The following CLCN5 variants were observed in gnomAD, a reference collection of about 807,000 sequenced individuals.
The protein encoded by CLCN5 is Cl-/H+ antiporter 5.
Under a neutral mutation model 54.0 loss-of-function variants are expected in CLCN5, and 17 were observed. The ratio of observed to expected loss-of-function variants is 0.31; its 90% confidence interval spans 0.22 to 0.47. The LOEUF is 0.47. Ranked by LOEUF, CLCN5 falls within the 20% of genes least tolerant of loss-of-function variation. CLCN5 has a pLI of 1.00. For synonymous variants in CLCN5, 222 were observed against 233.0 expected, an observed-to-expected ratio of 0.95 and a Z score of 0.43; for missense variants, 448 against 646.7, an observed-to-expected ratio of 0.69 and a Z score of 3.33.
intron 6 of CLCN5, among the ~76,000 whole-genome samples, chrX:50,075,192 G>A (rs944118171): frequency 9.0e-6 from 1 of 111,096 alleles, no homozygotes; most frequent in Non-Finnish European, 1.9e-5. Context: ...GATAGATTCA[G>A]CTCCTTTAGC....
At position 50,090,186 on chromosome X, in the gene CLCN5, C is replaced by T. The variant is rs150674219; in HGVS notation, c.1815C>T (p.Ile605=). 9.5e-5 allele frequency: 115 copies of T among 1,209,175 alleles called. No individual in the cohort carries two copies. The highest frequency in any genetic ancestry group is 1.3e-4 in the Non-Finnish European group (113 of 894,535). Residue 605 remains isoleucine (I), a synonymous_variant, in exon 13 of 15, where the codon ATC becomes ATT. Coordinates refer to ENST00000376091, the MANE Select transcript of CLCN5 (RefSeq NM_001127898.4). ...AACTGACTGGTGGCTTAGAATACAT[C>T]GTGCCTCTGATGGCTGCAGCCATGA... ...MFELTGGLEY[I]VPLMAAAMTS...
chrX:49,964,445 A>G (rs1340233971), intron 3 of CLCN5, among the ~76,000 whole-genome samples: 1 of 111,807 alleles, frequency 8.9e-6, no homozygotes, highest in Non-Finnish European at 1.9e-5. Context: ...TTTTCACCCC[A>G]TTGTATAGAT....
At position 50,086,799 on chromosome X, in the gene CLCN5, A is replaced by G. The variant is rs1249181679; in HGVS notation, c.1486A>G (p.Ser496Gly). The G allele has an allele frequency of 8.3e-7, 1 of 1,209,143 alleles. No homozygotes were observed. Among genetic ancestry groups the G allele is most frequent in the African/African-American group, 1.8e-5 (1 of 56,902 alleles). Reference protein sequence around the residue: ...PDRPAGVGVYSAMWQLALTLI... With the variant: ...PDRPAGVGVYGAMWQLALTLI... ...CAGACCGGCTGGCGTGGGAGTCTAC[A>G]GTGCAATGTGGCAGCTGGCTTTAAC... The change falls in exon 11 of 15, where the codon AGT (serine) becomes GGT (glycine). Residue 496 changes from serine (S) to glycine (G), a missense_variant. Ser to Gly is a moderately conservative substitution (Grantham distance 56). Around this residue, in one of 5 missense-constraint regions of CLCN5, gnomAD observed 297 missense variants for 470.4 expected, o/e 0.63. Coordinates refer to ENST00000376091, the MANE Select transcript of CLCN5 (RefSeq NM_001127898.4).
intron 4 of CLCN5, among the ~76,000 whole-genome samples, chrX:50,057,816 C>G (rs1235393718): frequency 1.8e-5 from 2 of 109,624 alleles, no homozygotes; most frequent in Non-Finnish European, 3.8e-5. Context: ...AAAGTTCCTA[C>G]AAATGTTGAT....
At chrX:50,023,491 A>G (rs1557184644) in intron 3 of CLCN5, among the ~76,000 whole-genome samples, 1 of 15,919 alleles carries the variant, frequency 6.3e-5, no homozygotes, top group East Asian at 1.5e-3. Flanking sequence ...TAAAGTTAAT[A>G]TTGTTATGTG....
At chrX:50,055,752 C>G (rs1932723068) in intron 4 of CLCN5, among the ~76,000 whole-genome samples, 1 of 111,873 alleles carries the variant, frequency 8.9e-6, no homozygotes, top group African/African-American at 3.2e-5. Flanking sequence ...AAAAAGAATT[C>G]AGTATGATCC....
At chrX:50,065,697 A>G (rs1557190682) in intron 4 of CLCN5, among the ~76,000 whole-genome samples, 1 of 104,903 alleles carries the variant, frequency 9.5e-6, no homozygotes, top group African/African-American at 3.5e-5. Context: ...ATGCTGCTAT[A>G]AAGATACATG....
chrX:49,960,191 A>G (rs1255048297), intron 3 of CLCN5, among the ~76,000 whole-genome samples: 1 of 110,160 alleles, frequency 9.1e-6, no homozygotes, highest in East Asian at 2.9e-4. Context: ...AGTATCCTCA[A>G]TTCCCTCATG....
At chrX:50,044,696 C>T (rs1932336345) in intron 4 of CLCN5, among the ~76,000 whole-genome samples, 1 of 111,473 alleles carries the variant, frequency 9.0e-6, no homozygotes, top group South Asian at 3.8e-4. Context: ...TTACAAAGTA[C>T]ATTCACAAGG....
chrX:50,018,040 A>G (rs1357208946), intron 3 of CLCN5, among the ~76,000 whole-genome samples: 1 of 111,670 alleles, frequency 9.0e-6, no homozygotes, highest in East Asian at 2.8e-4. Flanking sequence ...TTGGAACTGC[A>G]CTGAACCTGT....
intron 4 of CLCN5, among the ~76,000 whole-genome samples, chrX:50,050,684 G>A: frequency 1.1e-5 from 1 of 87,447 alleles, no homozygotes; most frequent in East Asian, 3.5e-4. Context: ...TTTTGAGATG[G>A]AGTCTCGCTC....
chrX:49,992,211 T>TA (rs1468549783), intron 3 of CLCN5, among the ~76,000 whole-genome samples: 1 of 106,104 alleles, frequency 9.4e-6, no homozygotes, highest in African/African-American at 3.4e-5. Context: ...TTTTTTTCTT[T>TA]TTTTTTTTTT....
chrX:50,092,241 A>G lies in CLCN5; in HGVS notation c.*22A>G. The G allele has an allele frequency of 9.4e-7, 1 of 1,067,340 alleles. No individual in the cohort carries two copies. 88.0% of individuals were successfully genotyped at this position (1,067,340 alleles called of 1,213,427 possible). On this transcript the variant is annotated 3_prime_UTR_variant, in exon 15 of 15. Transcript: ENST00000376091. Reference sequence around the variant, plus strand: ...CTAGAATCATAGAGTTCTGGATGTAAAGCGGGAAGGACATTACAGACCATG... The same window carrying G: ...CTAGAATCATAGAGTTCTGGATGTAGAGCGGGAAGGACATTACAGACCATG...
intron 3 of CLCN5, among the ~76,000 whole-genome samples, chrX:49,990,067 G>A (rs1557178723): frequency 8.9e-6 from 1 of 112,050 alleles, no homozygotes; most frequent in African/African-American, 3.2e-5. Flanking sequence ...CCTGGAATAA[G>A]CATTTGTATG....
chrX:50,085,898 C>A, intron 9 of CLCN5, 82 bp from the exon 10 acceptor site: 1 of 807,292 alleles, frequency 1.2e-6, no homozygotes. Flanking sequence ...TCAGTAACTA[C>A]TAACATTTCT....
intron 3 of CLCN5, among the ~76,000 whole-genome samples, chrX:49,940,279 C>T (rs1333501303): frequency 1.8e-5 from 2 of 111,931 alleles, no homozygotes; most frequent in African/African-American, 3.2e-5. Context: ...AGGGTTGTTA[C>T]GAAGAGTTAA....
chrX:49,962,598 CCTT>C (rs1557174876), intron 3 of CLCN5, among the ~76,000 whole-genome samples: 1 of 111,836 alleles, frequency 8.9e-6, no homozygotes, highest in African/African-American at 3.2e-5. Context: ...GCTTTTTCCC[CCTT>C]CTTGTTGAGC....
rs1602140666 is a variant in CLCN5, at chrX:50,098,075, C to G, written c.*5856C>G. 1.8e-5 allele frequency: 2 copies of G among 112,078 alleles called. No homozygotes were observed. Among genetic ancestry groups the G allele is most frequent in the African/African-American group, 6.5e-5 (2 of 30,734 alleles). 9.2% of individuals were successfully genotyped at this position (112,078 alleles called of 1,213,427 possible). A position where few individuals can be genotyped will look rare whatever the true frequency, so the allele number is the denominator to read the frequency against. On this transcript the variant is annotated 3_prime_UTR_variant, in exon 15 of 15. Coordinates refer to ENST00000376091, the MANE Select transcript of CLCN5 (RefSeq NM_001127898.4). Reference sequence around the variant, plus strand: ...CATTTCACTTTGTCCCCTCTTCTTCCTTTCTCTCCCATTTTCCTGGCTTTT... The same window carrying G: ...CATTTCACTTTGTCCCCTCTTCTTCGTTTCTCTCCCATTTTCCTGGCTTTT...
intron 3 of CLCN5, among the ~76,000 whole-genome samples, chrX:49,948,267 A>G (rs1926859154): frequency 9.1e-6 from 1 of 109,639 alleles, no homozygotes; most frequent in Admixed American, 9.8e-5. Flanking sequence ...TGCCCCTTCA[A>G]CCTCATCCTC....
Sources: allele counts gnomAD v4.1 joint callset (sites outside exome capture counted in the v4.1 genomes callset), GRCh38; gene constraint gnomAD v4.1.1; regional missense constraint gnomAD v4.1.1; transcripts MANE v1.5; gene names NCBI Gene and HGNC (gene_info 2026-07-23, HGNC 2026-07-21).